GABRG1: variants seen among roughly 807,000 people sequenced by gnomAD.
GABRG1 encodes gamma-aminobutyric acid receptor subunit gamma-1.
Under a neutral mutation model 49.8 loss-of-function variants are expected in GABRG1, and 49 were observed. The ratio of observed to expected loss-of-function variants is 0.98; its 90% CI spans 0.78 to 1.25. The LOEUF (loss-of-function observed/expected upper bound fraction) is 1.25. Among genes scored for constraint, GABRG1 ranks in the 50% most tolerant of loss-of-function variants. The pLI is 0.00. For missense variants in GABRG1, 552 were observed against 552.3 expected (o/e 1.00, Z 0.01); for synonymous variants, 232 against 185.1 (o/e 1.25, Z -2.06).
intron 1 of GABRG1, among the ~76,000 whole-genome samples, chr4:46,119,691 T>C (rs1429337391): frequency 1.3e-5 from 2 of 151,552 alleles, no homozygotes; most frequent in Admixed American, 6.6e-5. Context: ...TTTCAGTATA[T>C]CTTCAAAAAT....
chr4:46,102,763 C>T (rs1326386906), intron 1 of GABRG1, among the ~76,000 whole-genome samples: 1 of 151,458 alleles, frequency 6.6e-6, no homozygotes, highest in Non-Finnish European at 1.5e-5. Flanking sequence ...GGGAAAAAAA[C>T]CTTTAATAAC....
At chr4:46,096,391 A>C (rs1720163949) in intron 2 of GABRG1, among the ~76,000 whole-genome samples, 1 of 151,640 alleles carries the variant, frequency 6.6e-6, no homozygotes, top group Non-Finnish European at 1.5e-5. Context: ...CTAGAACAAA[A>C]ACAGGAAGCT....
intron 3 of GABRG1, among the ~76,000 whole-genome samples, chr4:46,082,044 G>A (rs1334059875): frequency 5.9e-5 from 9 of 151,918 alleles, no homozygotes; most frequent in Admixed American, 1.3e-4. Context: ...AGGCAAAAGC[G>A]AAGGAGAGGA....
intron 1 of GABRG1, among the ~76,000 whole-genome samples, chr4:46,112,687 A>G (rs755468911): frequency 4.0e-5 from 6 of 151,104 alleles, no homozygotes; most frequent in Non-Finnish European, 8.9e-5. Context: ...TGTTTTTTGC[A>G]GAACAGAAAA....
chr4:46,059,476 C>A (rs968041455), intron 5 of GABRG1, among the ~76,000 whole-genome samples: 1 of 151,900 alleles, frequency 6.6e-6, no homozygotes, highest in Non-Finnish European at 1.5e-5. Context: ...TAATGTCTGC[C>A]GCCCAGGTTC....
intron 8 of GABRG1, among the ~76,000 whole-genome samples, chr4:46,044,922 G>A (rs781590370): frequency 1.4e-4 from 21 of 152,056 alleles, no homozygotes; most frequent in Non-Finnish European, 2.8e-4. Context: ...GAATGTCCTA[G>A]TATTGTGCCA....
chr4:46,058,126 T>C (rs1160851391), intron 7 of GABRG1, 91 bp downstream of exon 7: 20 of 1,243,086 alleles, frequency 1.6e-5, no homozygotes, highest in Middle Eastern at 4.0e-4. Flanking sequence ...TCTAGAAGAA[T>C]ATATCTAATA....
chr4:46,047,528 G>A (rs1321476518), intron 8 of GABRG1, among the ~76,000 whole-genome samples: 1 of 151,988 alleles, frequency 6.6e-6, no homozygotes, highest in African/African-American at 2.4e-5. Flanking sequence ...TGTTTCACAG[G>A]CCACATAATA....
chr4:46,112,636 C>T (rs571439548), intron 1 of GABRG1, among the ~76,000 whole-genome samples: 1 of 151,228 alleles, frequency 6.6e-6, no homozygotes, highest in African/African-American at 2.4e-5. Context: ...TACATAAACA[C>T]TACATAGCCA....
At chr4:46,077,804 AAT>A (rs1053865685) in intron 3 of GABRG1, among the ~76,000 whole-genome samples, 1 of 151,570 alleles carries the variant, frequency 6.6e-6, no homozygotes. Context: ...AAAACAATGA[AAT>A]ATATATATAC....
intron 1 of GABRG1, among the ~76,000 whole-genome samples, chr4:46,099,982 AC>A (rs1560370504): frequency 6.6e-6 from 1 of 151,712 alleles, no homozygotes; most frequent in Non-Finnish European, 1.5e-5. Context: ...GAGTAAAAAT[AC>A]TTTGAGCCTG....
intron 8 of GABRG1, among the ~76,000 whole-genome samples, chr4:46,049,702 A>T (rs570337724): frequency 6.6e-6 from 1 of 152,088 alleles, no homozygotes; most frequent in East Asian, 1.9e-4. Flanking sequence ...CTTAATAAAT[A>T]GTTGATGAAT....
chr4:46,058,057 A>G (rs1316621532), intron 7 of GABRG1, among the ~76,000 whole-genome samples, 160 bp downstream of exon 7: 2 of 152,044 alleles, frequency 1.3e-5, no homozygotes, highest in East Asian at 3.9e-4. Context: ...CTTTTTTTAC[A>G]TATCTCTTTC....
In GABRG1 at chr4:46,048,301, A is replaced by C. The variant is rs530346766; in HGVS notation, c.1131+3123T>G. On this transcript the variant is annotated intron_variant, in intron 8 of 8. Coordinates refer to ENST00000295452, the MANE Select transcript of GABRG1 (RefSeq NM_173536.4). ...GTAATAATATATATTGGATGGGCAT[A>C]TGAAACAATCCAAAATGTCATTCAC... is the stretch of plus-strand genomic sequence containing the variant. 2.0e-5 allele frequency among the ~76,000 whole-genome samples: 3 copies of C among 152,032 alleles called. No homozygotes were observed. In the South Asian group the frequency reaches 6.2e-4, roughly 32 times the overall value.
At chr4:46,047,269 G>C (rs139802645) in intron 8 of GABRG1, among the ~76,000 whole-genome samples, 1 of 151,984 alleles carries the variant, frequency 6.6e-6, no homozygotes, top group Non-Finnish European at 1.5e-5. Context: ...TCTACTTTTT[G>C]TTCTCACATG....
At chr4:46,107,098 A>G (rs1720574162) in intron 1 of GABRG1, among the ~76,000 whole-genome samples, 1 of 151,268 alleles carries the variant, frequency 6.6e-6, no homozygotes, top group Non-Finnish European at 1.5e-5. Context: ...TAAAATATAC[A>G]ATTAAGTTAT....
chr4:46,075,400 T>TGCCCGAGCTGGTTTTGAAC (rs1420804379), intron 3 of GABRG1, among the ~76,000 whole-genome samples: 61 of 152,198 alleles, frequency 4.0e-4, no homozygotes, highest in African/African-American at 1.4e-3. Context: ...CTCACTGTAT[T>TGCCCGAGCTGGTTTTGAAC]GCCCGAGCTG....
chr4:46,049,378 G>A (rs1284703989), intron 8 of GABRG1, among the ~76,000 whole-genome samples: 1 of 151,750 alleles, frequency 6.6e-6, no homozygotes, highest in African/African-American at 2.4e-5. Flanking sequence ...ACTGATCCCG[G>A]TTTTTCACTC....
At chr4:46,068,264 G>A (rs1185279364) in intron 3 of GABRG1, among the ~76,000 whole-genome samples, 2 of 152,140 alleles carry the variant, frequency 1.3e-5, no homozygotes, top group African/African-American at 2.4e-5. Context: ...ATACCAGTAA[G>A]GATTGCGGCT....
Sources: gnomAD v4.1 joint callset for allele counts (sites outside exome capture counted in the v4.1 genomes callset) on GRCh38, gnomAD v4.1.1 for gene constraint, MANE v1.5 for transcripts, NCBI Gene and HGNC (gene_info 2026-07-23, HGNC 2026-07-21) for gene names.